Variants in DNAJC11 observed in about 807,000 individuals in gnomAD.
The protein encoded by DNAJC11 is DnaJ heat shock protein family (Hsp40) member C11.
Under a neutral mutation model 78.6 loss-of-function variants are expected in DNAJC11, and 15 were observed. That is an observed-to-expected ratio of 0.19 (90% confidence interval 0.13 to 0.29). DNAJC11 has a LOEUF of 0.29. Among genes scored for constraint, DNAJC11 ranks in the 10% least tolerant of loss-of-function variants. DNAJC11 has a pLI of 1.00. For missense variants in DNAJC11, 547 were observed against 709.6 expected, an observed-to-expected ratio of 0.77 and a Z score of 2.60; for synonymous variants, 292 against 272.1, an observed-to-expected ratio of 1.07 and a Z score of -0.72.
chr1:6,675,748 T>C (rs977259809), intron 3 of DNAJC11, among the ~76,000 whole-genome samples: 1 of 152,166 alleles, frequency 6.6e-6, no homozygotes, highest in African/African-American at 2.4e-5. Context: ...ACCACCATTT[T>C]GCGTGTGGAT....
At chr1:6,638,854 A>AT (rs879336890) in intron 11 of DNAJC11, among the ~76,000 whole-genome samples, 1 of 152,184 alleles carries the variant, frequency 6.6e-6, no homozygotes, top group Admixed American at 6.5e-5. Context: ...ATACCACTTT[A>AT]GACACACAGA....
At position 6,637,184 on chromosome 1, in the gene DNAJC11, T is replaced by C; in HGVS notation, c.1524+14A>G. On this transcript the variant is annotated intron_variant, in intron 14 of 15. Transcript: ENST00000377577. Reference sequence around the variant, plus strand: ...CTGTGAGCACATAGCATGTGGTGGCTGGTGCTGCTGTACCTTGGAGGCCTC... The same window carrying C: ...CTGTGAGCACATAGCATGTGGTGGCCGGTGCTGCTGTACCTTGGAGGCCTC... 6.2e-7 allele frequency: 1 copy of C among 1,613,990 alleles called. No individual in the cohort carries two copies. Among genetic ancestry groups the C allele is most frequent in the Non-Finnish European group, 8.5e-7 (1 of 1,179,936 alleles).
intron 4 of DNAJC11, among the ~76,000 whole-genome samples, chr1:6,667,466 T>G (rs1163847731): frequency 6.6e-6 from 1 of 152,146 alleles, no homozygotes; most frequent in Non-Finnish European, 1.5e-5. Flanking sequence ...AACAGGGGAC[T>G]GGTTTTGTCT....
At chr1:6,685,851 G>C (rs1557487175) in intron 1 of DNAJC11, among the ~76,000 whole-genome samples, 1 of 152,134 alleles carries the variant, frequency 6.6e-6, no homozygotes, top group Non-Finnish European at 1.5e-5. Context: ...ATGTTTAATG[G>C]AATGTGTGTA....
intron 7 of DNAJC11, among the ~76,000 whole-genome samples, chr1:6,648,961 C>T (rs1642010271): frequency 6.6e-6 from 1 of 151,956 alleles, no homozygotes; most frequent in Non-Finnish European, 1.5e-5. Context: ...AGGTGATGCC[C>T]CATGGCAGCA....
At position 6,637,457 on chromosome 1, in the gene DNAJC11, C is replaced by T; in HGVS notation, c.1371G>A (p.Glu457=). 6.2e-7 allele frequency: 1 copy of T among 1,614,248 alleles called. No homozygotes were observed. The highest frequency in any genetic ancestry group is 8.5e-7 in the Non-Finnish European group (1 of 1,180,048). ...GACACATGTTCTCACCCATTCTGGA[C>T]TCTTCTGCCTCAATTATCCTTCGGA... is the stretch of plus-strand genomic sequence containing the variant. ...ESVRRIIEAE[E]SRMGLIIVNA... is the part of the protein sequence containing the mutation. The change falls in exon 13 of 16, where the codon GAG becomes GAA. Residue 457 remains glutamate, a synonymous_variant. Transcript: ENST00000377577.
intron 7 of DNAJC11, among the ~76,000 whole-genome samples, chr1:6,648,442 C>T (rs929873545): frequency 1.3e-5 from 2 of 152,168 alleles, no homozygotes; most frequent in African/African-American, 4.8e-5. Flanking sequence ...AGGCATGAGC[C>T]ACCGCACCTG....
At chr1:6,682,501 C>CG (rs923226242) in intron 1 of DNAJC11, among the ~76,000 whole-genome samples, 8 of 152,298 alleles carry the variant, frequency 5.3e-5, no homozygotes, top group African/African-American at 1.7e-4. Context: ...TGCTGGGGCC[C>CG]GGGTTCTGCT....
At chr1:6,636,270 T>C (rs920959475) in intron 14 of DNAJC11, 24 bp from the exon 15 acceptor site, 43 of 1,612,886 alleles carry the variant, frequency 2.7e-5, no homozygotes, top group Non-Finnish European at 3.6e-5. Flanking sequence ...ATTGCTACTC[T>C]CAATACTCCA....
chr1:6,654,723 CA>C (rs1347770110), intron 4 of DNAJC11, among the ~76,000 whole-genome samples: 3 of 151,814 alleles, frequency 2.0e-5, no homozygotes, highest in Non-Finnish European at 2.9e-5. Flanking sequence ...TGGCCACACA[CA>C]TTTTTTTAAC....
At chr1:6,682,915 A>G (rs1472077456) in intron 1 of DNAJC11, among the ~76,000 whole-genome samples, 1 of 151,886 alleles carries the variant, frequency 6.6e-6, no homozygotes, top group Non-Finnish European at 1.5e-5. Flanking sequence ...ACAGAGGGGG[A>G]AAAAAAACTA....
In DNAJC11 at chr1:6,653,821, CT is replaced by C; in HGVS notation, c.507+89del. The C allele has an allele frequency of 6.6e-7, 1 of 1,506,186 alleles. No individual in the cohort carries two copies. The highest frequency in any genetic ancestry group is 9.1e-7 in the Non-Finnish European group (1 of 1,103,580). The allele number at this position is 1,506,186 out of a possible 1,614,324, so 93.3% of individuals were successfully genotyped here. ...TTCATAAATAAAGATGAGAAAAACC[CT>C]GGGCAGACTCTCATTCCAGCTGCTT... On this transcript the variant is annotated intron_variant, in intron 5 of 15. Coordinates refer to ENST00000377577, the MANE Select transcript of DNAJC11 (RefSeq NM_018198.4). This position sits in a 1 kb window ranked among gnomAD's most constrained non-coding sequence, Gnocchi z 4.5.
Position 6,653,825 on chromosome 1 carries a change from G to T in DNAJC11, c.507+86C>A. 6.6e-7 allele frequency: 1 copy of T among 1,519,402 alleles called. No individual in the cohort carries two copies. The highest frequency in any genetic ancestry group is 9.0e-7 in the Non-Finnish European group (1 of 1,110,928). The allele number at this position is 1,519,402 out of a possible 1,614,324, so 94.1% of individuals were successfully genotyped here. On this transcript the variant is annotated intron_variant, in intron 5 of 15. Transcript: ENST00000377577. This position sits in a 1 kb window ranked among gnomAD's most constrained non-coding sequence, Gnocchi z 4.5. ...TAAATAAAGATGAGAAAAACCCTGG[G>T]CAGACTCTCATTCCAGCTGCTTGGT...
intron 1 of DNAJC11, among the ~76,000 whole-genome samples, chr1:6,699,046 C>T (rs1242259748): frequency 6.6e-6 from 1 of 151,380 alleles, no homozygotes; most frequent in African/African-American, 2.4e-5. Flanking sequence ...TGGTTCATGC[C>T]TGTAATCCCG....
At chr1:6,695,041 G>A (rs1642812615) in intron 1 of DNAJC11, among the ~76,000 whole-genome samples, 1 of 151,188 alleles carries the variant, frequency 6.6e-6, no homozygotes, top group African/African-American at 2.4e-5. Context: ...GGCTACTCGG[G>A]AGGCTGAGGC....
rs371462209 is a variant in DNAJC11 at position 6,680,887 on chromosome 1, A to G, written c.202+21T>C. The G allele has an allele frequency of 4.4e-6, 7 of 1,605,356 alleles. No individual in the cohort carries two copies. Among genetic ancestry groups the G allele is most frequent in the Middle Eastern group, 1.7e-4 (1 of 6,022 alleles). ...ATATCTGTTACCAGGATGTTTCTAC[A>G]AAGTCCGGCCCTCCACTGACCTTCA... is the stretch of plus-strand genomic sequence containing the variant. On this transcript the variant is annotated intron_variant, in intron 2 of 15. Coordinates refer to ENST00000377577, the MANE Select transcript of DNAJC11 (RefSeq NM_018198.4). This position sits in a 1 kb window ranked among gnomAD's most constrained non-coding sequence, Gnocchi z 4.0.
At chr1:6,677,152 T>C (rs189918) in intron 3 of DNAJC11, among the ~76,000 whole-genome samples, 70,060 of 135,622 alleles carry the variant, frequency 0.52, 18,447 homozygotes, top group Admixed American at 0.6. Flanking sequence ...GAGCAAAACT[T>C]GGTCTCAAAA....
At chr1:6,701,382 C>A (rs1241389624) in intron 1 of DNAJC11, among the ~76,000 whole-genome samples, 1 of 152,158 alleles carries the variant, frequency 6.6e-6, no homozygotes, top group East Asian at 1.9e-4. Context: ...GTGGGCTGAG[C>A]GCGAGACGGG....
At position 6,634,817 on chromosome 1, in the gene DNAJC11, A is replaced by AGTGG; in HGVS notation, c.*857_*858insCCAC. 1 of 1,268,866 alleles carries AGTGG rather than the reference A, an allele frequency of 7.9e-7. No individual in the cohort carries two copies. The highest frequency in any genetic ancestry group is 1.0e-6 in the Non-Finnish European group (1 of 970,274). 78.6% of individuals were successfully genotyped at this position (1,268,866 alleles called of 1,614,324 possible). On this transcript the variant is annotated 3_prime_UTR_variant, in exon 16 of 16. Transcript: ENST00000377577. ...GTACCACGGGCCGGGCCTGGGGTCC[A>AGTGG]CGCCTTTGGGTTGGGTGTGTCTGAT...
Sources: gnomAD v4.1 joint callset for allele counts (sites outside exome capture counted in the v4.1 genomes callset) on GRCh38, gnomAD v4.1.1 for gene constraint, Gnocchi (gnomAD v3.1) non-coding constraint, MANE v1.5 for transcripts, NCBI Gene and HGNC (gene_info 2026-07-23, HGNC 2026-07-21) for gene names.